The following MRLN variants were observed in gnomAD, a reference collection of about 807,000 sequenced individuals.
MRLN encodes the protein Linc-RNA activator of myogenesis.
rs367682028 is a variant in MRLN, at chr10:59,750,896, TA to T, written c.-125+2457del. ...CGGGTGCAGGATGCAGAAATGGGACTAGGGGGGCTTGTTTGTGTTTTTTGAC... is the reference window on the plus strand; with the variant it reads ...CGGGTGCAGGATGCAGAAATGGGACTGGGGGGCTTGTTTGTGTTTTTTGAC... On this transcript the variant is annotated intron_variant, in intron 1 of 2. Transcript: ENST00000414264. Among the ~76,000 whole-genome samples the T allele has an allele frequency of 3.0e-3, 459 of 152,322 alleles. 3 individuals carry two copies. The highest frequency in any genetic ancestry group is 0.011 in the African/African-American group (440 of 41,574).
chr10:59,751,158 GT>G (rs1478338516), intron 1 of MRLN, among the ~76,000 whole-genome samples: 18 of 152,214 alleles, frequency 1.2e-4, no homozygotes, highest in African/African-American at 4.3e-4. Context: ...TTGGAGTCAA[GT>G]TTAGCTGAAA....
intron 1 of MRLN, among the ~76,000 whole-genome samples, chr10:59,743,606 G>A (rs1453901245): frequency 1.3e-5 from 2 of 152,110 alleles, no homozygotes; most frequent in South Asian, 4.1e-4. Flanking sequence ...TTTTACTGTG[G>A]ATTAAAATTA....
At chr10:59,740,133 T>C (rs976748832) in intron 1 of MRLN, among the ~76,000 whole-genome samples, 3 of 151,850 alleles carry the variant, frequency 2.0e-5, no homozygotes, top group African/African-American at 7.3e-5. Context: ...AAAATTCCTA[T>C]GTCTTAGTGA....
At chr10:59,745,546 A>G (rs985338969) in intron 1 of MRLN, among the ~76,000 whole-genome samples, 5 of 124,256 alleles carry the variant, frequency 4.0e-5, no homozygotes, top group Non-Finnish European at 7.8e-5. Context: ...CCTCATTTCT[A>G]GAGGCCATTG....
rs926217995 is a variant in MRLN, at chr10:59,737,189, T to G, written c.12A>C (p.Lys4Asn). The G allele has an allele frequency of 5.0e-6, 2 of 397,578 alleles. No individual in the cohort carries two copies. The highest frequency in any genetic ancestry group is 8.9e-6 in the Non-Finnish European group (2 of 225,124). 24.6% of individuals were successfully genotyped at this position (397,578 alleles called of 1,614,324 possible). Reference protein sequence around the residue: MTGKNWILISTTTP... With the variant: MTGNNWILISTTTP... ...TAGTAGTAGAAATTAATATCCAGTT[T>G]TTACCAGTCATATCCAGAATTATCC... Residue 4 changes from lysine (K) to asparagine (N), a missense_variant, in exon 3 of 3, where the codon AAA (lysine) becomes AAC (asparagine). Physicochemically the swap from Lys to Asn is moderately conservative, Grantham distance 94. Coordinates refer to ENST00000414264, the MANE Select transcript of MRLN (RefSeq NM_001304731.2).
chr10:59,743,999 A>G (rs960913840), intron 1 of MRLN, among the ~76,000 whole-genome samples: 2 of 151,974 alleles, frequency 1.3e-5, no homozygotes, highest in African/African-American at 2.4e-5. Flanking sequence ...CAGTGGCGTG[A>G]TCTCGGCTCG....
intron 1 of MRLN, among the ~76,000 whole-genome samples, chr10:59,747,883 A>G (rs1292592549): frequency 6.6e-6 from 1 of 152,214 alleles, no homozygotes; most frequent in Non-Finnish European, 1.5e-5. Context: ...CTTTGTCCAA[A>G]TGACAATTAC....
chr10:59,736,989 A>G lies in MRLN; in HGVS notation c.*71T>C, dbSNP rs1001531494. The G allele has an allele frequency of 7.8e-6, 3 of 385,904 alleles. No individual in the cohort carries two copies. Among genetic ancestry groups the G allele is most frequent in the African/African-American group, 6.2e-5 (3 of 48,394 alleles). The allele number at this position is 385,904 out of a possible 1,614,324, so 23.9% of individuals were successfully genotyped here. A position where few individuals can be genotyped will look rare whatever the true frequency, so the allele number is the denominator to read the frequency against. On this transcript the variant is annotated 3_prime_UTR_variant, in exon 3 of 3. Coordinates refer to ENST00000414264, the MANE Select transcript of MRLN (RefSeq NM_001304731.2). ...CAATGTCATAAAATGTGAGTCACTC[A>G]ACAAGTTAAAATACAAATTTTTATT...
chr10:59,752,410 A>T (rs923945909), intron 1 of MRLN, among the ~76,000 whole-genome samples: 1 of 152,208 alleles, frequency 6.6e-6, no homozygotes, highest in African/African-American at 2.4e-5. Context: ...GTTGTAAAAG[A>T]GACTATGATT....
At chr10:59,740,123 A>G (rs1481467252) in intron 1 of MRLN, among the ~76,000 whole-genome samples, 1 of 152,068 alleles carries the variant, frequency 6.6e-6, no homozygotes, top group African/African-American at 2.4e-5. Context: ...ACAGAGTTGT[A>G]AAATTCCTAT....
intron 1 of MRLN, among the ~76,000 whole-genome samples, chr10:59,741,121 T>C (rs1210185428): frequency 6.6e-6 from 1 of 151,838 alleles, no homozygotes; most frequent in African/African-American, 2.4e-5. Context: ...TGAAACTTAA[T>C]TTATTACTGA....
intron 1 of MRLN, among the ~76,000 whole-genome samples, chr10:59,739,943 T>C (rs1417283196): frequency 6.6e-6 from 1 of 152,042 alleles, no homozygotes; most frequent in Admixed American, 6.6e-5. Context: ...AATACAAAAA[T>C]TAGCCGGGCA....
chr10:59,743,790 G>C (rs751980486), intron 1 of MRLN, among the ~76,000 whole-genome samples: 1 of 152,082 alleles, frequency 6.6e-6, no homozygotes, highest in Non-Finnish European at 1.5e-5. Context: ...TCAGCCTGCC[G>C]AGTGCCTGGG....
chr10:59,748,097 T>TG (rs1222428213), intron 1 of MRLN, among the ~76,000 whole-genome samples: 2 of 151,798 alleles, frequency 1.3e-5, no homozygotes, highest in Non-Finnish European at 2.9e-5. Context: ...TTTTGTTTTT[T>TG]TTTTTTTTGC....
At chr10:59,738,865 T>G (rs887600041) in intron 1 of MRLN, 1 of 152,236 alleles carries the variant, frequency 6.6e-6, no homozygotes, top group Non-Finnish European at 1.5e-5. Context: ...CTCACGCCTG[T>G]AATCCCAGCA....
intron 1 of MRLN, among the ~76,000 whole-genome samples, chr10:59,751,323 A>T (rs947471698): frequency 1.2e-4 from 19 of 152,094 alleles, no homozygotes; most frequent in African/African-American, 4.1e-4. Flanking sequence ...ATGAGGTATG[A>T]CTTTAAGGTG....
rs1840931810 is a variant in MRLN at position 59,737,048 on chromosome 10, G to A, written c.*12C>T. 2 of 394,954 alleles carry A rather than the reference G, an allele frequency of 5.1e-6. No individual in the cohort carries two copies. The highest frequency in any genetic ancestry group is 4.4e-5 in the Admixed American group (1 of 22,594). 24.5% of individuals were successfully genotyped at this position (394,954 alleles called of 1,614,324 possible). The stretch of plus-strand genomic sequence containing the variant: ...TTCAGTTTGAAATGTACATGGAAAG[G>A]AAGTCAGCTTTCTAAGAAGTTATCA... On this transcript the variant is annotated 3_prime_UTR_variant, in exon 3 of 3. Transcript: ENST00000414264.
In MRLN at chr10:59,737,023, T is replaced by G. The variant is rs1169319067; in HGVS notation, c.*37A>C. On this transcript the variant is annotated 3_prime_UTR_variant, in exon 3 of 3. Coordinates refer to ENST00000414264, the MANE Select transcript of MRLN (RefSeq NM_001304731.2). Reference sequence around the variant, plus strand: ...AAATACAAATTTTTATTCACTGTAATTCAGTTTGAAATGTACATGGAAAGG... The same window carrying G: ...AAATACAAATTTTTATTCACTGTAAGTCAGTTTGAAATGTACATGGAAAGG... 1 of 391,830 alleles carries G rather than the reference T, an allele frequency of 2.6e-6. No individual in the cohort carries two copies. Among genetic ancestry groups the G allele is most frequent in the Non-Finnish European group, 4.5e-6 (1 of 221,508 alleles). 24.3% of individuals were successfully genotyped at this position (391,830 alleles called of 1,614,324 possible).
rs1417707264 is a variant in MRLN, at chr10:59,737,202, TC to T, written c.-3del. On this transcript the variant is annotated 5_prime_UTR_variant, in exon 3 of 3. Coordinates refer to ENST00000414264, the MANE Select transcript of MRLN (RefSeq NM_001304731.2). ...TAATATCCAGTTTTTACCAGTCATA[TC>T]CAGAATTATCCCGCTCCCTAGGAAA... The T allele has an allele frequency of 2.5e-6, 1 of 397,020 alleles. No individual in the cohort carries two copies. Among genetic ancestry groups the T allele is most frequent in the African/African-American group, 2.1e-5 (1 of 48,580 alleles). The allele number at this position is 397,020 out of a possible 1,614,324, so 24.6% of individuals were successfully genotyped here.
Sources: allele counts gnomAD v4.1 joint callset (sites outside exome capture counted in the v4.1 genomes callset), GRCh38; gene constraint gnomAD v4.1.1; transcripts MANE v1.5; gene names NCBI Gene and HGNC (gene_info 2026-07-23, HGNC 2026-07-21).